POLR1B: variants seen among roughly 807,000 people sequenced by gnomAD.
POLR1B encodes DNA-directed RNA polymerase I subunit RPA2.
POLR1B carries 30 observed loss-of-function variants against 105.8 expected under a neutral mutation model. The ratio of observed to expected loss-of-function variants is 0.28; its 90% CI spans 0.21 to 0.38. POLR1B has a LOEUF of 0.38. Ranked by LOEUF, POLR1B falls within the 10% of genes least tolerant of loss-of-function variation. POLR1B has a pLI of 1.00. For missense variants in POLR1B, 976 were observed against 1,435.8 expected (o/e 0.68, Z 5.17); for synonymous variants, 485 against 505.1 (o/e 0.96, Z 0.53).
At chr2:112,542,373 G>A, upstream of POLR1B, 4 of 1,599,040 alleles carry the variant, frequency 2.5e-6, no homozygotes, top group South Asian at 1.1e-5. Flanking sequence ...GGTGGAACGA[G>A]AGGGAACTAC....
chr2:112,546,871 G>A (rs558181186), intron 1 of POLR1B, 141 bp from the exon 2 acceptor site: 5 of 869,154 alleles, frequency 5.8e-6, no homozygotes, highest in Non-Finnish European at 8.7e-6. Flanking sequence ...CCAACTGGAG[G>A]TAGCCTTAAC....
rs869087985 is a variant in POLR1B, at chr2:112,546,544, C to CTTTTTT, written c.178-438_178-433dup. Among the ~76,000 whole-genome samples the CTTTTTT allele has an allele frequency of 1.8e-3, 95 of 53,190 alleles. 16 individuals are homozygous for CTTTTTT. The highest frequency in any genetic ancestry group is 2.4e-3 in the Admixed American group (7 of 2,864). The allele number at this position is 53,190 out of a possible 152,430, so 34.9% of individuals were successfully genotyped here. The stretch of plus-strand genomic sequence containing the variant: ...GAAGTTATGAGTAGACTGGAGGTAG[C>CTTTTTT]TTTTTTTTTTTTTTTTTTTTTTTTT... On this transcript the variant is annotated intron_variant, in intron 1 of 14. Coordinates refer to ENST00000263331, the MANE Select transcript of POLR1B (RefSeq NM_019014.6).
intron 1 of POLR1B, among the ~76,000 whole-genome samples, chr2:112,545,259 A>G (rs1381828982): frequency 6.6e-6 from 1 of 152,224 alleles, no homozygotes; most frequent in Non-Finnish European, 1.5e-5. Context: ...TAGGGACTCA[A>G]TAATATATAT....
At chr2:112,556,161 A>G (rs1683650022) in intron 7 of POLR1B, among the ~76,000 whole-genome samples, 1 of 152,226 alleles carries the variant, frequency 6.6e-6, no homozygotes, top group African/African-American at 2.4e-5. Flanking sequence ...ATGTAGGCTC[A>G]AGAAAGGAAT....
intron 9 of POLR1B, among the ~76,000 whole-genome samples, chr2:112,562,450 C>T (rs1360872219): frequency 2.0e-5 from 3 of 152,076 alleles, no homozygotes; most frequent in Admixed American, 6.6e-5. Context: ...AGGCTTACCC[C>T]GGAGATATTG....
At chr2:112,554,918 C>T (rs1351535190) in intron 7 of POLR1B, among the ~76,000 whole-genome samples, 1 of 152,032 alleles carries the variant, frequency 6.6e-6, no homozygotes, top group Non-Finnish European at 1.5e-5. Context: ...TGGTGGCTCA[C>T]GCCTATAATC....
At chr2:112,570,429 G>T (rs1276084601) in intron 12 of POLR1B, among the ~76,000 whole-genome samples, 1 of 152,146 alleles carries the variant, frequency 6.6e-6, no homozygotes, top group Non-Finnish European at 1.5e-5. Flanking sequence ...ACAGTCATGT[G>T]CCCTTAACGA....
At chr2:112,545,876 G>T in intron 1 of POLR1B, 1 of 314,528 alleles carries the variant, frequency 3.2e-6, no homozygotes, top group Non-Finnish European at 6.3e-6. Context: ...AAACTCCTGA[G>T]CTCAAGTAGT....
chr2:112,565,407 A>C (rs775480630), intron 10 of POLR1B, among the ~76,000 whole-genome samples: 2 of 152,158 alleles, frequency 1.3e-5, no homozygotes, highest in Non-Finnish European at 2.9e-5. Context: ...ATTTTCCATA[A>C]AGATTTTAGT....
In POLR1B at chr2:112,559,314, C is replaced by T. The variant is rs751378247; in HGVS notation, c.1352C>T (p.Ser451Phe). ...TAAGGTCTTGGCCTCCTACAAGATTCTGGACTTTGTGTTGTGGCTGACAAG... is the reference window on the plus strand; with the variant it reads ...TAAGGTCTTGGCCTCCTACAAGATTTTGGACTTTGTGTTGTGGCTGACAAG... ...SKTGLGLLQDSGLCVVADKLN... is the reference protein window; with the variant it reads ...SKTGLGLLQDFGLCVVADKLN... Residue 451 changes from serine to phenylalanine, a missense_variant, in exon 9 of 15, where the codon TCT becomes TTT. This residue lies in a region of POLR1B where 452 missense variants were observed against 616.5 expected (regional missense o/e 0.73). Transcript: ENST00000263331. 1 of 1,614,182 alleles carries T rather than the reference C, an allele frequency of 6.2e-7. No homozygotes were observed. The highest frequency in any genetic ancestry group is 1.1e-5 in the South Asian group (1 of 91,086).
chr2:112,571,109 C>T (rs1456431439), intron 12 of POLR1B, among the ~76,000 whole-genome samples: 1 of 152,028 alleles, frequency 6.6e-6, no homozygotes, highest in African/African-American at 2.4e-5. Flanking sequence ...TAGTTTCTTT[C>T]TTCTCTAAGA....
At chr2:112,559,673 C>T (rs1683862766) in intron 9 of POLR1B, 99 bp downstream of exon 9, 1 of 1,410,900 alleles carries the variant, frequency 7.1e-7, no homozygotes. Flanking sequence ...CTATGTCGCC[C>T]AGGCTGGAGT....
intron 7 of POLR1B, among the ~76,000 whole-genome samples, 176 bp from the exon 8 acceptor site, chr2:112,557,734 C>T (rs1683737255): frequency 6.6e-6 from 1 of 150,742 alleles, no homozygotes; most frequent in African/African-American, 2.4e-5. Flanking sequence ...GCCCCACCCC[C>T]TCACCCCACC....
intron 10 of POLR1B, among the ~76,000 whole-genome samples, chr2:112,565,326 C>T (rs1397255152): frequency 1.3e-5 from 2 of 152,200 alleles, no homozygotes; most frequent in African/African-American, 2.4e-5. Context: ...CTTTGCCCTA[C>T]ATCCTTTATC....
chr2:112,550,996 A>C lies in POLR1B; in HGVS notation c.756A>C (p.Ala252=), dbSNP rs767215321. 1.2e-6 allele frequency: 2 copies of C among 1,613,438 alleles called. No homozygotes were observed. The highest frequency in any genetic ancestry group is 8.5e-7 in the Non-Finnish European group (1 of 1,179,350). ...KELFFLPLGF[A]LKALVSFSDY... ...TGTTCTTTCTTCCTTTGGGATTTGC[A>C]CTTAAGGTATGACTTAATGAATGCA... is the stretch of plus-strand genomic sequence containing the variant. The change falls in exon 5 of 15, where the codon GCA becomes GCC. Residue 252 remains alanine (A), a synonymous_variant. Transcript: ENST00000263331.
rs376500705 is a variant in POLR1B, at chr2:112,547,048, C to T, written c.214C>T (p.Arg72Cys). ...PPFEFAFKDE[R>C]ISFTILDAVI... ...CTTTGAATTTGCTTTCAAAGATGAG[C>T]GTATCTCTTTTACTATTCTGGATGC... Residue 72 changes from arginine (R) to cysteine (C), a missense_variant, in exon 2 of 15, where the codon CGT (arginine) becomes TGT (cysteine). Arg to Cys is a radical substitution (Grantham distance 180). Coordinates refer to ENST00000263331, the MANE Select transcript of POLR1B (RefSeq NM_019014.6). 10 of 1,614,004 alleles carry T rather than the reference C, an allele frequency of 6.2e-6. No homozygotes were observed. Among genetic ancestry groups the T allele is most frequent in the South Asian group, 4.4e-5 (4 of 91,080 alleles).
Position 112,550,698 on chromosome 2 carries a change from A to C in POLR1B, c.626-168A>C, listed in dbSNP as rs934520466. The C allele has an allele frequency of 2.8e-5, 18 of 642,498 alleles. No individual in the cohort carries two copies. In the African/African-American group the frequency reaches 3.3e-4, roughly 12 times the overall value. 39.8% of individuals were successfully genotyped at this position (642,498 alleles called of 1,614,324 possible). ...CTCAATCTGGGTAGATTTTGCATGC[A>C]AGAGGACATTTGCTGAGGTTTAGAA... On this transcript the variant is annotated intron_variant, in intron 4 of 14. Transcript: ENST00000263331.
At chr2:112,546,858 C>A in intron 1 of POLR1B, 154 bp from the exon 2 acceptor site, 1 of 742,884 alleles carries the variant, frequency 1.3e-6, no homozygotes, top group Non-Finnish European at 2.1e-6. Context: ...CCACTGCGCC[C>A]GGCCAACTGG....
chr2:112,561,438 GTATT>G (rs1303433355), intron 9 of POLR1B, among the ~76,000 whole-genome samples: 3 of 149,422 alleles, frequency 2.0e-5, no homozygotes, highest in Non-Finnish European at 3.0e-5. Flanking sequence ...TCTTCAGAAT[GTATT>G]TATGGTTCAT....
Sources: allele counts gnomAD v4.1 joint callset (sites outside exome capture counted in the v4.1 genomes callset), GRCh38; gene constraint gnomAD v4.1.1; regional missense constraint gnomAD v4.1.1; transcripts MANE v1.5; gene names NCBI Gene and HGNC (gene_info 2026-07-23, HGNC 2026-07-21).